SIL1: variants seen among roughly 807,000 people sequenced by gnomAD.
SIL1 encodes SIL1 nucleotide exchange factor.
A neutral mutation model predicts 49.1 loss-of-function variants in SIL1; 40 were observed. That is an observed-to-expected ratio of 0.81 (90% CI 0.63 to 1.06). The LOEUF is 1.06. Ranked by LOEUF, SIL1 falls within the 50% of genes least tolerant of loss-of-function variation. The pLI is 0.00. For synonymous variants in SIL1, 253 were observed against 250.8 expected, an observed-to-expected ratio of 1.01 and a Z score of -0.08; for missense variants, 500 against 572.6, an observed-to-expected ratio of 0.87 and a Z score of 1.29.
At position 138,951,338 on chromosome 5, in the gene SIL1, G is replaced by A; in HGVS notation, c.865-3C>T. ...AGGGAGCACAGTGCAAACAGGACCTGGGGGCACAGACCCAGGGGTAGGTGA... is the reference window on the plus strand; with the variant it reads ...AGGGAGCACAGTGCAAACAGGACCTAGGGGCACAGACCCAGGGGTAGGTGA... On this transcript the variant is annotated splice_region_variant and splice_polypyrimidine_tract_variant and intron_variant, in intron 8 of 9. Coordinates refer to ENST00000394817, the MANE Select transcript of SIL1 (RefSeq NM_022464.5). 1.3e-6 allele frequency: 2 copies of A among 1,552,724 alleles called. No individual in the cohort carries two copies.
At position 138,963,797 on chromosome 5, in the gene SIL1, C is replaced by G. The variant is rs182070122; in HGVS notation, c.768-11913G>C. On this transcript the variant is annotated intron_variant, in intron 7 of 9. Transcript: ENST00000394817. Reference sequence around the variant, plus strand: ...CCAGGCTCCCGGTTTTCCGTGGGGGCGGATCAACATGGCCTCCTCAGCTAG... The same window carrying G: ...CCAGGCTCCCGGTTTTCCGTGGGGGGGGATCAACATGGCCTCCTCAGCTAG... Among the ~76,000 whole-genome samples the G allele has an allele frequency of 1.0e-3, 153 of 152,300 alleles. 1 individual carries two copies. The East Asian group carries it at 0.026, about 26-fold the overall frequency.
intron 7 of SIL1, among the ~76,000 whole-genome samples, chr5:138,976,875 T>A (rs1239746495): frequency 6.6e-6 from 1 of 152,174 alleles, no homozygotes; most frequent in African/African-American, 2.4e-5. Context: ...AAAGCTCTAA[T>A]CATTATGTGC....
intron 7 of SIL1, among the ~76,000 whole-genome samples, chr5:139,003,338 G>A (rs761326092): frequency 1.3e-5 from 2 of 152,144 alleles, no homozygotes; most frequent in South Asian, 4.1e-4. Flanking sequence ...CAAGCCCTTG[G>A]ACTTGGGGGA....
intron 3 of SIL1, among the ~76,000 whole-genome samples, chr5:139,077,893 C>G (rs149757043): frequency 6.6e-6 from 1 of 152,044 alleles, no homozygotes; most frequent in African/African-American, 2.4e-5. Context: ...TATAGTGTTG[C>G]GGGGGAGTGG....
chr5:139,032,730 G>GT (rs1374724756), intron 5 of SIL1, among the ~76,000 whole-genome samples: 3 of 152,226 alleles, frequency 2.0e-5, no homozygotes, highest in South Asian at 2.1e-4. Context: ...ACAAATTCAA[G>GT]TTTTTTTAAT....
At chr5:139,113,027 T>C (rs1486321185) in intron 3 of SIL1, among the ~76,000 whole-genome samples, 2 of 152,244 alleles carry the variant, frequency 1.3e-5, no homozygotes, top group African/African-American at 2.4e-5. Flanking sequence ...AAACATGTGC[T>C]GTGTCCACTC....
At chr5:139,152,660 A>AG (rs913465194) in intron 1 of SIL1, among the ~76,000 whole-genome samples, 11 of 151,756 alleles carry the variant, frequency 7.2e-5, no homozygotes, top group African/African-American at 2.7e-4. Context: ...AAGAATGTAG[A>AG]GGGATTACTC....
At chr5:139,027,159 G>A (rs1022185506) in intron 5 of SIL1, among the ~76,000 whole-genome samples, 167 bp from the exon 6 acceptor site, 2 of 152,180 alleles carry the variant, frequency 1.3e-5, no homozygotes, top group African/African-American at 4.8e-5. Flanking sequence ...GCCCAGAGAA[G>A]ACAGCCCTCA....
At chr5:139,064,243 A>G (rs1407905608) in intron 3 of SIL1, among the ~76,000 whole-genome samples, 5 of 152,192 alleles carry the variant, frequency 3.3e-5, no homozygotes, top group Non-Finnish European at 5.9e-5. Context: ...ACTCCCAGCA[A>G]TGAAAAGGGG....
chr5:139,041,831 A>C (rs1034624985), intron 5 of SIL1, among the ~76,000 whole-genome samples: 2 of 151,974 alleles, frequency 1.3e-5, no homozygotes, highest in Non-Finnish European at 2.9e-5. Flanking sequence ...AAAAAAAAAA[A>C]AACAAAAAAA....
At chr5:138,985,950 C>T in intron 7 of SIL1, among the ~76,000 whole-genome samples, 1 of 152,226 alleles carries the variant, frequency 6.6e-6, no homozygotes, top group East Asian at 1.9e-4. Context: ...AACAGGCTCC[C>T]TGGCAAGGCA....
At chr5:139,174,885 G>A (rs1307757124) in intron 1 of SIL1, among the ~76,000 whole-genome samples, 2 of 136,566 alleles carry the variant, frequency 1.5e-5, no homozygotes, top group Non-Finnish European at 3.0e-5. Flanking sequence ...TTGCAGTGAA[G>A]CGACATCATG....
rs114961110 is a variant in SIL1, at chr5:138,950,439, C to T, written c.1029+732G>A. On this transcript the variant is annotated intron_variant, in intron 9 of 9. Coordinates refer to ENST00000394817, the MANE Select transcript of SIL1 (RefSeq NM_022464.5). ...CCTGGGAGAGAAGGCCTGGGGGAGG[C>T]GTGTGCAGAGGGAGTGAGGGGCCCA... 6.7e-3 allele frequency among the ~76,000 whole-genome samples: 1,024 copies of T among 152,302 alleles called. 12 individuals carry two copies. The highest frequency in any genetic ancestry group is 0.024 in the African/African-American group (999 of 41,574).
rs892282505 is a variant in SIL1 at position 139,035,526 on chromosome 5, T to G, written c.453+7094A>C. ...CTTGGCAATGTCATCACCAACCTTT[T>G]TCGGAGACAGACCCAGGGGGCCAAT... On this transcript the variant is annotated intron_variant, in intron 5 of 9. Transcript: ENST00000394817. 1.3e-5 allele frequency: 7 copies of G among 526,084 alleles called. 1 individual carries two copies. The highest frequency in any genetic ancestry group is 1.0e-4 in the South Asian group (7 of 69,704). 32.6% of individuals were successfully genotyped at this position (526,084 alleles called of 1,614,324 possible).
At chr5:139,059,984 C>T (rs1005393915) in intron 3 of SIL1, among the ~76,000 whole-genome samples, 4 of 152,320 alleles carry the variant, frequency 2.6e-5, no homozygotes, top group Non-Finnish European at 4.4e-5. Flanking sequence ...TAGATTACAG[C>T]ATGTATGTAC....
At chr5:139,146,920 C>T (rs545103496) in intron 1 of SIL1, among the ~76,000 whole-genome samples, 11 of 152,342 alleles carry the variant, frequency 7.2e-5, no homozygotes, top group African/African-American at 2.4e-4. Flanking sequence ...CCATAATTCT[C>T]TGTGCAACTA....
At chr5:139,197,663 G>C (rs1177751393) in intron 1 of SIL1, among the ~76,000 whole-genome samples, 1 of 152,066 alleles carries the variant, frequency 6.6e-6, no homozygotes, top group Non-Finnish European at 1.5e-5. Flanking sequence ...TCTGAAGCAG[G>C]GATTTTCAAA....
intron 1 of SIL1, among the ~76,000 whole-genome samples, chr5:139,144,940 C>T (rs60463526): frequency 0.08 from 12,180 of 151,900 alleles, 863 homozygotes; most frequent in African/African-American, 0.19. Context: ...ACCTTGGATT[C>T]GGCAATGATT....
At chr5:139,055,605 TC>T (rs1561844734) in intron 3 of SIL1, among the ~76,000 whole-genome samples, 1 of 96,232 alleles carries the variant, frequency 1.0e-5, no homozygotes, top group African/African-American at 5.4e-5. Flanking sequence ...CCTCTCCCTC[TC>T]CCTCTCCCTC....
Sources: allele counts gnomAD v4.1 joint callset (sites outside exome capture counted in the v4.1 genomes callset), GRCh38; gene constraint gnomAD v4.1.1; transcripts MANE v1.5; gene names NCBI Gene and HGNC (gene_info 2026-07-23, HGNC 2026-07-21).